Variants in DDHD1 observed in about 807,000 individuals in gnomAD.
DDHD1 encodes the protein phospholipase DDHD1.
In DDHD1, 49 loss-of-function variants were observed where a neutral mutation model predicts 96.4. The observed-to-expected ratio is 0.51, with a 90% CI of 0.40 to 0.64. DDHD1 has a LOEUF of 0.64. Among genes scored for constraint, DDHD1 ranks in the 30% least tolerant of loss-of-function variants. DDHD1 has a pLI of 0.00. For synonymous variants in DDHD1, 442 were observed against 446.5 expected, an observed-to-expected ratio of 0.99 and a Z score of 0.13; for missense variants, 1,106 against 1,161.2, an observed-to-expected ratio of 0.95 and a Z score of 0.69.
chr14:53,061,938 G>A (rs1883595278), intron 7 of DDHD1, among the ~76,000 whole-genome samples: 1 of 150,480 alleles, frequency 6.6e-6, no homozygotes, highest in Admixed American at 6.7e-5. Flanking sequence ...GGAGACAGGG[G>A]CAGGAGAATC....
intron 1 of DDHD1, among the ~76,000 whole-genome samples, chr14:53,104,434 T>G (rs752580074): frequency 1.2e-4 from 18 of 152,228 alleles, no homozygotes; most frequent in Admixed American, 3.3e-4. Flanking sequence ...ACGAGTTTCA[T>G]GCAAGGCTCT....
At chr14:53,122,128 G>A (rs1485824783) in intron 1 of DDHD1, among the ~76,000 whole-genome samples, 1 of 152,196 alleles carries the variant, frequency 6.6e-6, no homozygotes, top group African/African-American at 2.4e-5. Context: ...TCTGGTTCCA[G>A]TGTGCTTACC....
chr14:53,059,863 C>CAAAAA (rs60708379), intron 8 of DDHD1, among the ~76,000 whole-genome samples: 6 of 18,508 alleles, frequency 3.2e-4, no homozygotes, highest in Non-Finnish European at 8.2e-4. Context: ...GACTCTGTCT[C>CAAAAA]AAAAAAAAAA....
intron 1 of DDHD1, among the ~76,000 whole-genome samples, chr14:53,113,548 C>T (rs745720010): frequency 3.9e-5 from 6 of 152,160 alleles, no homozygotes; most frequent in Non-Finnish European, 8.8e-5. Context: ...AACTGAGGTG[C>T]CCCGTTCATT....
At chr14:53,092,976 A>T (rs1886559609) in intron 3 of DDHD1, 1 of 163,912 alleles carries the variant, frequency 6.1e-6, no homozygotes, top group Non-Finnish European at 1.3e-5. Flanking sequence ...GTCACCAGTG[A>T]CCTCCAGATC....
At chr14:53,082,729 A>G (rs1460457046) in intron 4 of DDHD1, among the ~76,000 whole-genome samples, 3 of 150,348 alleles carry the variant, frequency 2.0e-5, no homozygotes, top group African/African-American at 7.4e-5. Flanking sequence ...ACCACACTCC[A>G]GCTTGGGCGA....
At chr14:53,068,864 G>A (rs907777702) in intron 6 of DDHD1, among the ~76,000 whole-genome samples, 5 of 152,072 alleles carry the variant, frequency 3.3e-5, no homozygotes, top group African/African-American at 1.2e-4. Flanking sequence ...AGTATCCATC[G>A]ATGATTTGTG....
At chr14:53,058,120 G>A (rs1004375775) in intron 9 of DDHD1, among the ~76,000 whole-genome samples, 2 of 152,008 alleles carry the variant, frequency 1.3e-5, no homozygotes, top group Admixed American at 1.3e-4. Flanking sequence ...TTACAGGCAT[G>A]AGCACCACGC....
intron 8 of DDHD1, 32 bp from the exon 9 acceptor site, chr14:53,058,658 A>G: frequency 6.4e-7 from 1 of 1,567,848 alleles, no homozygotes; most frequent in Non-Finnish European, 8.6e-7. Context: ...AAAGTTTAAA[A>G]ATGGTGAAGT....
chr14:53,046,762 G>C lies in DDHD1; in HGVS notation c.*6C>G, dbSNP rs973996851. ...GTTTTAGGCCATTCATGTCCTTCAA[G>C]AGAGTTCAGATTGGATCTAAATTGG... On this transcript the variant is annotated 3_prime_UTR_variant, in exon 13 of 13. Transcript: ENST00000673822. 7.2e-5 allele frequency: 3 copies of C among 41,608 alleles called. No individual in the cohort carries two copies. Among genetic ancestry groups the C allele is most frequent in the African/African-American group, 8.8e-4 (2 of 2,266 alleles). 2.6% of individuals were successfully genotyped at this position (41,608 alleles called of 1,614,324 possible).
chr14:53,135,026 C>T (rs780923264), intron 1 of DDHD1, among the ~76,000 whole-genome samples: 25 of 152,280 alleles, frequency 1.6e-4, no homozygotes, highest in Non-Finnish European at 3.1e-4. Context: ...AGAAACATTG[C>T]CCATGATCTC....
chr14:53,114,273 G>A (rs1002208855), intron 1 of DDHD1, among the ~76,000 whole-genome samples: 6 of 152,344 alleles, frequency 3.9e-5, no homozygotes, highest in African/African-American at 1.4e-4. Flanking sequence ...CTGGGGGAAG[G>A]GGTGGCTGTG....
intron 1 of DDHD1, among the ~76,000 whole-genome samples, chr14:53,104,589 C>T (rs1887549398): frequency 1.3e-5 from 2 of 151,834 alleles, no homozygotes; most frequent in South Asian, 4.2e-4. Flanking sequence ...ATAAATGAAA[C>T]TATTATATTA....
At chr14:53,122,582 G>GTT (rs56655949) in intron 1 of DDHD1, among the ~76,000 whole-genome samples, 96,300 of 143,762 alleles carry the variant, frequency 0.67, 34,336 homozygotes, top group East Asian at 0.95. Flanking sequence ...TCTGCTAATA[G>GTT]TTTTTTTTTT....
intron 6 of DDHD1, among the ~76,000 whole-genome samples, chr14:53,066,977 T>G (rs1277784726): frequency 9.3e-6 from 1 of 107,446 alleles, no homozygotes. Flanking sequence ...AAAAAAAAAG[T>G]TTGCCCACCT....
chr14:53,130,068 G>A (rs536844432), intron 1 of DDHD1, among the ~76,000 whole-genome samples: 9 of 151,858 alleles, frequency 5.9e-5, no homozygotes, highest in Non-Finnish European at 1.2e-4. Flanking sequence ...CCTCTTCTAC[G>A]GACCCATCTG....
chr14:53,117,673 A>G (rs1453731453), intron 1 of DDHD1, among the ~76,000 whole-genome samples: 3 of 152,214 alleles, frequency 2.0e-5, no homozygotes, highest in Admixed American at 1.3e-4. Flanking sequence ...GGCAGAACCC[A>G]CTGCAGCTCA....
intron 1 of DDHD1, among the ~76,000 whole-genome samples, chr14:53,145,972 C>G (rs1317784550): frequency 2.6e-5 from 4 of 151,762 alleles, no homozygotes; most frequent in African/African-American, 9.7e-5. Flanking sequence ...TTTGGGAGGC[C>G]GAGGCAGGCA....
intron 1 of DDHD1, among the ~76,000 whole-genome samples, chr14:53,133,129 T>A (rs1889994098): frequency 6.6e-6 from 1 of 152,192 alleles, no homozygotes; most frequent in East Asian, 1.9e-4. Flanking sequence ...CTCAGGGAAA[T>A]CACTTCTCAG....
Sources: allele counts gnomAD v4.1 joint callset (sites outside exome capture counted in the v4.1 genomes callset), GRCh38; gene constraint gnomAD v4.1.1; transcripts MANE v1.5; gene names NCBI Gene and HGNC (gene_info 2026-07-23, HGNC 2026-07-21).